The following CAST variants were observed in gnomAD, a reference collection of about 807,000 sequenced individuals.
The protein encoded by CAST is MIR583 host.
A neutral mutation model predicts 119.6 loss-of-function variants in CAST; 76 were observed. The observed-to-expected ratio is 0.64, with a 90% CI of 0.53 to 0.77. The LOEUF (loss-of-function observed/expected upper bound fraction) is 0.77, where lower values mean the gene tolerates loss of function less well. Among genes scored for constraint, CAST ranks in the 30% least tolerant of loss-of-function variants. The pLI, the probability that CAST is intolerant of heterozygous loss-of-function variation, is 0.00. For missense variants in CAST, 953 were observed against 946.5 expected (o/e 1.01, Z -0.09); for synonymous variants, 319 against 331.6 (o/e 0.96, Z 0.41).
intron 1 of CAST, among the ~76,000 whole-genome samples, chr5:96,605,262 C>T (rs1450659723): frequency 1.3e-5 from 2 of 152,190 alleles, no homozygotes; most frequent in African/African-American, 2.4e-5. Flanking sequence ...TTATTTCATA[C>T]ACTTATAGCT....
chr5:96,142,434 C>T, the CAST span, among the ~76,000 whole-genome samples: 1 of 152,094 alleles, frequency 6.6e-6, no homozygotes, highest in East Asian at 1.9e-4. Context: ...TTGAGTTGTG[C>T]ACTTTTTAAT....
At chr5:95,995,491 TATTGA>T in the CAST span, among the ~76,000 whole-genome samples, 1 of 152,120 alleles carries the variant, frequency 6.6e-6, no homozygotes, top group African/African-American at 2.4e-5. Context: ...TGAGTTGACC[TATTGA>T]ATTATTTCAG....
the CAST span, chr5:96,410,722 G>T: frequency 1.4e-6 from 2 of 1,398,978 alleles, no homozygotes; most frequent in Non-Finnish European, 2.0e-6. Flanking sequence ...CATTTCACAT[G>T]CATGCCACGC....
At chr5:96,534,739 G>GGA (rs1745757684) in intron 1 of CAST, among the ~76,000 whole-genome samples, 1 of 22,720 alleles carries the variant, frequency 4.4e-5, no homozygotes, top group African/African-American at 1.4e-4. Flanking sequence ...GAGAGAGAGA[G>GGA]AGAAAGAAAG....
At chr5:96,425,008 A>AAAG in the CAST span, among the ~76,000 whole-genome samples, 119 of 117,512 alleles carry the variant, frequency 1.0e-3, no homozygotes, top group African/African-American at 3.7e-3. Flanking sequence ...AGAAAGAAAG[A>AAAG]AAAGAAAGAA....
chr5:96,262,412 T>C, the CAST span, among the ~76,000 whole-genome samples: 1 of 152,204 alleles, frequency 6.6e-6, no homozygotes, highest in East Asian at 1.9e-4. Context: ...CCTTTCTTCA[T>C]GAGATTAAAA....
At position 96,594,070 on chromosome 5, in the gene CAST, G is replaced by A. The variant is rs550975160; in HGVS notation, c.60+64190G>A. 5.9e-5 allele frequency among the ~76,000 whole-genome samples: 9 copies of A among 152,342 alleles called. No homozygotes were observed. The East Asian group carries it at 1.7e-3, about 29-fold the overall frequency. On this transcript the variant is annotated intron_variant, in intron 1 of 11. Coordinates refer to the CAST transcript ENST00000505143. ...GACTCAAAATTATAGTACAAGGTAAGCATGTTACATGTACTACTGAGGAAG... is the reference window on the plus strand; with the variant it reads ...GACTCAAAATTATAGTACAAGGTAAACATGTTACATGTACTACTGAGGAAG...
chr5:96,253,765 G>A, the CAST span, among the ~76,000 whole-genome samples: 1 of 152,000 alleles, frequency 6.6e-6, no homozygotes, highest in African/African-American at 2.4e-5. Context: ...TTTAAATATT[G>A]CATTTGTCCC....
chr5:96,454,485 T>C, the CAST span, among the ~76,000 whole-genome samples: 1 of 152,244 alleles, frequency 6.6e-6, no homozygotes, highest in Non-Finnish European at 1.5e-5. Flanking sequence ...AGTCATCTCA[T>C]GACACCCTAA....
the CAST span, among the ~76,000 whole-genome samples, chr5:96,114,050 AT>A: frequency 6.6e-6 from 1 of 152,256 alleles, no homozygotes. Context: ...TTAAAGTACC[AT>A]TTTTCAACAA....
the CAST span, among the ~76,000 whole-genome samples, chr5:96,107,290 C>G: frequency 6.6e-6 from 1 of 151,748 alleles, no homozygotes; most frequent in Non-Finnish European, 1.5e-5. Flanking sequence ...TTATTTTGCT[C>G]ATTAGTTGAT....
the CAST span, among the ~76,000 whole-genome samples, chr5:96,509,193 T>A: frequency 1.3e-5 from 2 of 152,172 alleles, no homozygotes; most frequent in African/African-American, 4.8e-5. Context: ...AAACAGCAAT[T>A]ACGATCAGCA....
chr5:96,157,857 G>A, the CAST span, among the ~76,000 whole-genome samples: 1 of 152,126 alleles, frequency 6.6e-6, no homozygotes, highest in Non-Finnish European at 1.5e-5. Flanking sequence ...TATGTTAAAT[G>A]TTTTCTTTAT....
intron 3 of CAST, among the ~76,000 whole-genome samples, chr5:96,697,987 A>G (rs75614964): frequency 0.014 from 2,205 of 152,350 alleles, 56 homozygotes; most frequent in African/African-American, 0.05. Flanking sequence ...TTTTATTGTT[A>G]TCAGGACTTG....
chr5:96,616,898 CTT>C (rs1319019511), intron 1 of CAST, among the ~76,000 whole-genome samples: 1 of 151,940 alleles, frequency 6.6e-6, no homozygotes, highest in Non-Finnish European at 1.5e-5. Context: ...CCCCAGGACT[CTT>C]TTCTCTGAGT....
At chr5:96,655,976 A>T (rs1167667878) in intron 1 of CAST, among the ~76,000 whole-genome samples, 4 of 152,260 alleles carry the variant, frequency 2.6e-5, no homozygotes, top group Non-Finnish European at 5.9e-5. Flanking sequence ...CTGGAGCATT[A>T]AGTAAAATAT....
At chr5:96,316,119 A>T in the CAST span, among the ~76,000 whole-genome samples, 3 of 152,368 alleles carry the variant, frequency 2.0e-5, no homozygotes, top group Middle Eastern at 3.4e-3. Context: ...CAATTTTTGT[A>T]TGGCTTTGTA....
chr5:96,446,371 T>C, the CAST span, among the ~76,000 whole-genome samples: 21,768 of 152,222 alleles, frequency 0.14, 1,800 homozygotes, highest in East Asian at 0.27. Flanking sequence ...AGGGATATCA[T>C]GGCCAATTGT....
chr5:96,140,787 C>T, the CAST span, among the ~76,000 whole-genome samples: 1 of 152,132 alleles, frequency 6.6e-6, no homozygotes, highest in Admixed American at 6.5e-5. Context: ...ACACATAAGG[C>T]CTTTGTTACC....
Sources: gnomAD v4.1 joint callset for allele counts (sites outside exome capture counted in the v4.1 genomes callset) on GRCh38, gnomAD v4.1.1 for gene constraint, MANE v1.5 for transcripts, NCBI Gene and HGNC (gene_info 2026-07-23, HGNC 2026-07-21) for gene names.